GABRB1: variants seen among roughly 807,000 people sequenced by gnomAD.
GABRB1 encodes gamma-aminobutyric acid receptor subunit beta-1.
In GABRB1, 17 loss-of-function variants were observed where a neutral mutation model predicts 51.6. The ratio of observed to expected loss-of-function variants is 0.33; its 90% CI spans 0.23 to 0.49. GABRB1 has a LOEUF of 0.49. Among genes scored for constraint, GABRB1 ranks in the 20% least tolerant of loss-of-function variants. The probability of loss-of-function intolerance (pLI) is 0.99; values close to 1 mark genes in which losing one functional copy is unlikely to be tolerated. For missense variants in GABRB1, 410 were observed against 600.6 expected (o/e 0.68, Z 3.32); for synonymous variants, 247 against 218.9 (o/e 1.13, Z -1.14).
intron 5 of GABRB1, among the ~76,000 whole-genome samples, chr4:47,327,724 T>C (rs1000978741): frequency 2.0e-5 from 3 of 152,264 alleles, no homozygotes; most frequent in Non-Finnish European, 4.4e-5. Flanking sequence ...TGTCTTTATA[T>C]AAATATCTTG....
At chr4:47,176,053 T>G (rs1468328926) in intron 4 of GABRB1, among the ~76,000 whole-genome samples, 1 of 152,158 alleles carries the variant, frequency 6.6e-6, no homozygotes, top group Non-Finnish European at 1.5e-5. Context: ...TAAATGCATT[T>G]CTAAATGAAC....
chr4:47,225,403 G>A (rs555167681), intron 4 of GABRB1, among the ~76,000 whole-genome samples: 2 of 152,236 alleles, frequency 1.3e-5, no homozygotes, highest in East Asian at 3.9e-4. Context: ...AAGAAGCACT[G>A]TTAGATGTTT....
chr4:47,395,249 C>T (rs992325042), intron 5 of GABRB1, among the ~76,000 whole-genome samples: 3 of 152,120 alleles, frequency 2.0e-5, no homozygotes, highest in African/African-American at 7.2e-5. Context: ...ACAGGCTATA[C>T]AAAGGCTTGG....
chr4:47,031,563 G>T (rs151300023), upstream of GABRB1: 6,546 of 1,071,666 alleles, frequency 6.1e-3, 47 homozygotes, highest in South Asian at 0.02. Flanking sequence ...GCATGCGCAG[G>T]TCCATTCGGG....
At chr4:47,086,513 T>C (rs1414261794) in intron 3 of GABRB1, among the ~76,000 whole-genome samples, 1 of 152,202 alleles carries the variant, frequency 6.6e-6, no homozygotes, top group Non-Finnish European at 1.5e-5. Flanking sequence ...AAATTATTGA[T>C]GTACAAATGG....
chr4:47,309,881 C>T (rs1724605223), intron 4 of GABRB1, among the ~76,000 whole-genome samples: 1 of 152,054 alleles, frequency 6.6e-6, no homozygotes, highest in Non-Finnish European at 1.5e-5. Flanking sequence ...GTGTTATATG[C>T]ATTTTTTATT....
chr4:47,344,822 A>G (rs1726031727), intron 5 of GABRB1, among the ~76,000 whole-genome samples: 2 of 152,130 alleles, frequency 1.3e-5, no homozygotes, highest in African/African-American at 4.8e-5. Context: ...TCCCAGGTTC[A>G]AGCGATTCTC....
At position 47,320,212 on chromosome 4, in the gene GABRB1, G is replaced by A. The variant is rs951858256; in HGVS notation, c.544+3G>A. On this transcript the variant is annotated splice_donor_region_variant and intron_variant, in intron 5 of 8. Coordinates refer to ENST00000295454, the MANE Select transcript of GABRB1 (RefSeq NM_000812.4). ...CTGCACCCTGGAGATCGAAAGTTGT[G>A]AGTTACTTGGACAGGGGAATGAAAA... 7 of 1,549,026 alleles carry A rather than the reference G, an allele frequency of 4.5e-6. No individual in the cohort carries two copies. The highest frequency in any genetic ancestry group is 1.7e-4 in the Middle Eastern group (1 of 5,976).
intron 3 of GABRB1, among the ~76,000 whole-genome samples, chr4:47,051,366 G>A (rs540563294): frequency 5.3e-4 from 80 of 152,312 alleles, no homozygotes; most frequent in Middle Eastern, 3.4e-3. Flanking sequence ...TAGAGAACCA[G>A]AGAGAAGAGG....
chr4:47,344,971 C>T (rs1726038276), intron 5 of GABRB1, among the ~76,000 whole-genome samples: 1 of 152,178 alleles, frequency 6.6e-6, no homozygotes, highest in African/African-American at 2.4e-5. Context: ...GATCCGCCTG[C>T]CTCAGCCTCC....
intron 3 of GABRB1, among the ~76,000 whole-genome samples, chr4:47,042,910 T>C (rs971182938): frequency 2.0e-5 from 3 of 151,954 alleles, no homozygotes; most frequent in African/African-American, 7.3e-5. Context: ...TGCTACATGA[T>C]CTGTTTTAAA....
chr4:47,055,723 C>T (rs1017438214), intron 3 of GABRB1, among the ~76,000 whole-genome samples: 2 of 152,132 alleles, frequency 1.3e-5, no homozygotes, highest in African/African-American at 2.4e-5. Flanking sequence ...CAAAGTTGTC[C>T]TTCCACTTCT....
chr4:47,012,656 T>G (rs1484169885), intron 1 of GABRB1, among the ~76,000 whole-genome samples: 1 of 152,240 alleles, frequency 6.6e-6, no homozygotes, highest in African/African-American at 2.4e-5. Flanking sequence ...CAATGTTGTT[T>G]ATTCGTATGC....
intron 4 of GABRB1, among the ~76,000 whole-genome samples, chr4:47,201,942 C>A (rs538304860): frequency 5.3e-4 from 80 of 152,194 alleles, no homozygotes; most frequent in African/African-American, 1.8e-3. Flanking sequence ...CAGGAATGGA[C>A]GTGGATCCCC....
chr4:47,038,306 C>T (rs1725685862), intron 3 of GABRB1, among the ~76,000 whole-genome samples: 1 of 152,086 alleles, frequency 6.6e-6, no homozygotes, highest in Non-Finnish European at 1.5e-5. Flanking sequence ...TCATGGCATC[C>T]TCATCCAACT....
chr4:47,132,574 T>G (rs1160073185), intron 3 of GABRB1, among the ~76,000 whole-genome samples: 1 of 152,168 alleles, frequency 6.6e-6, no homozygotes, highest in Admixed American at 6.5e-5. Context: ...AACAGTCAGT[T>G]AAAATGAACT....
intron 4 of GABRB1, among the ~76,000 whole-genome samples, chr4:47,302,693 T>C (rs1724306400): frequency 6.6e-6 from 1 of 151,976 alleles, no homozygotes; most frequent in South Asian, 2.1e-4. Context: ...ATAATAATGA[T>C]CTCTACTAAA....
intron 5 of GABRB1, among the ~76,000 whole-genome samples, chr4:47,323,732 G>A (rs1725162672): frequency 6.6e-6 from 1 of 152,106 alleles, no homozygotes; most frequent in African/African-American, 2.4e-5. Context: ...TCTCAAGGCT[G>A]GCAAAATGTT....
At chr4:47,155,214 A>G (rs1187740763) in intron 3 of GABRB1, among the ~76,000 whole-genome samples, 5 of 152,186 alleles carry the variant, frequency 3.3e-5, no homozygotes, top group Admixed American at 2.6e-4. Context: ...AATCATAGGC[A>G]GTGATGCACA....
Sources: gnomAD v4.1 joint callset for allele counts (sites outside exome capture counted in the v4.1 genomes callset) on GRCh38, gnomAD v4.1.1 for gene constraint, MANE v1.5 for transcripts, NCBI Gene and HGNC (gene_info 2026-07-23, HGNC 2026-07-21) for gene names.